TTC29: variants seen among roughly 807,000 people sequenced by gnomAD.
TTC29 encodes the protein tetratricopeptide repeat protein 29.
In TTC29, 49 loss-of-function variants were observed where a neutral mutation model predicts 58.1. The ratio of observed to expected loss-of-function variants is 0.84; its 90% CI spans 0.67 to 1.07. The LOEUF is 1.07. TTC29 is among the 50% of genes least tolerant of loss of function. The pLI is 0.00. For missense variants in TTC29, 582 were observed against 555.6 expected (o/e 1.05, Z -0.48); for synonymous variants, 209 against 196.8 (o/e 1.06, Z -0.52).
At chr4:146,852,375 A>T (rs1340102663) in intron 8 of TTC29, among the ~76,000 whole-genome samples, 1 of 152,190 alleles carries the variant, frequency 6.6e-6, no homozygotes, top group Non-Finnish European at 1.5e-5. Flanking sequence ...AACTCTACCA[A>T]TTACAACAAC....
chr4:146,778,840 G>T (rs1393240601), intron 11 of TTC29, among the ~76,000 whole-genome samples: 1 of 151,780 alleles, frequency 6.6e-6, no homozygotes, highest in African/African-American at 2.4e-5. Context: ...GGCAGTGAGG[G>T]GAGAGAGGGT....
chr4:146,717,869 C>G (rs1743051863), intron 11 of TTC29, among the ~76,000 whole-genome samples: 1 of 152,072 alleles, frequency 6.6e-6, no homozygotes, highest in South Asian at 2.1e-4. Flanking sequence ...CTAATTGAGG[C>G]TTTGTACTTT....
chr4:146,839,912 T>C (rs1463774981), intron 8 of TTC29, among the ~76,000 whole-genome samples: 3 of 151,960 alleles, frequency 2.0e-5, no homozygotes, highest in Non-Finnish European at 4.4e-5. Flanking sequence ...TACTTATACA[T>C]AGGTGTGAAT....
At chr4:146,856,785 G>GA (rs1056865484) in intron 8 of TTC29, among the ~76,000 whole-genome samples, 33 of 150,906 alleles carry the variant, frequency 2.2e-4, no homozygotes, top group Non-Finnish European at 4.0e-4. Context: ...ATGAGGAAAT[G>GA]AAAAAAAATT....
chr4:146,910,380 T>A (rs117653647), intron 4 of TTC29, among the ~76,000 whole-genome samples: 2 of 152,236 alleles, frequency 1.3e-5, no homozygotes, highest in East Asian at 3.9e-4. Flanking sequence ...ATGCATTAGA[T>A]TCACCTACAG....
Position 146,833,858 on chromosome 4 carries a change from C to A in TTC29, c.925G>T (p.Asp309Tyr). 2 of 1,613,244 alleles carry A rather than the reference C, an allele frequency of 1.2e-6. No homozygotes were observed. The highest frequency in any genetic ancestry group is 1.7e-6 in the Non-Finnish European group (2 of 1,179,488). Residue 309 changes from aspartate (D) to tyrosine (Y), a missense_variant, in exon 9 of 13, where the codon GAT (aspartate) becomes TAT (tyrosine). Asp to Tyr is a radical substitution (Grantham distance 160, BLOSUM62 -3). Coordinates refer to ENST00000325106, the MANE Select transcript of TTC29 (RefSeq NM_031956.4). ...TYCKISTDLD[D>Y]DLSLGRGYEA... ...TAGCCTCTCCCCAGACTGAGATCATCATCCAGGTCTGTGGAGATTTTACAG... is the reference window on the plus strand; with the variant it reads ...TAGCCTCTCCCCAGACTGAGATCATAATCCAGGTCTGTGGAGATTTTACAG...
intron 11 of TTC29, among the ~76,000 whole-genome samples, chr4:146,777,650 A>G (rs896021811): frequency 3.9e-5 from 6 of 152,106 alleles, no homozygotes; most frequent in African/African-American, 1.4e-4. Flanking sequence ...GTCTTACTAG[A>G]TTCTTAGCAC....
At chr4:146,824,115 C>T (rs184346824) in intron 9 of TTC29, among the ~76,000 whole-genome samples, 41 of 152,266 alleles carry the variant, frequency 2.7e-4, no homozygotes, top group African/African-American at 9.9e-4. Flanking sequence ...CCTGATTGCC[C>T]TGGCCAGAAC....
intron 11 of TTC29, among the ~76,000 whole-genome samples, chr4:146,718,343 C>CA (rs1224630760): frequency 6.6e-6 from 1 of 152,150 alleles, no homozygotes. Flanking sequence ...CAATAGTGCA[C>CA]AAGGGTTCCC....
intron 8 of TTC29, among the ~76,000 whole-genome samples, chr4:146,843,791 A>G (rs1728997573): frequency 6.6e-6 from 1 of 152,186 alleles, no homozygotes; most frequent in Admixed American, 6.5e-5. Context: ...TGATCAATTT[A>G]CTTTATCTCT....
intron 8 of TTC29, among the ~76,000 whole-genome samples, chr4:146,848,943 C>T (rs1366282371): frequency 6.6e-6 from 1 of 152,218 alleles, no homozygotes; most frequent in East Asian, 1.9e-4. Flanking sequence ...ACCAAGCACA[C>T]ATCCCAAGGT....
At chr4:146,880,904 G>A (rs1731581051) in intron 6 of TTC29, among the ~76,000 whole-genome samples, 1 of 151,674 alleles carries the variant, frequency 6.6e-6, no homozygotes, top group Admixed American at 6.6e-5. Context: ...GCATTAAAAT[G>A]AACTCATTCA....
chr4:146,777,079 T>C (rs1391487763), intron 11 of TTC29, among the ~76,000 whole-genome samples: 1 of 152,188 alleles, frequency 6.6e-6, no homozygotes, highest in Non-Finnish European at 1.5e-5. Flanking sequence ...GAAGTTCGGA[T>C]GAGTGCTCTT....
intron 6 of TTC29, among the ~76,000 whole-genome samples, chr4:146,880,506 T>C (rs1347460130): frequency 1.3e-5 from 2 of 152,158 alleles, no homozygotes; most frequent in African/African-American, 4.8e-5. Flanking sequence ...AAACACGATG[T>C]AGGGAAAATA....
chr4:146,892,558 C>G (rs528957219), intron 6 of TTC29, among the ~76,000 whole-genome samples: 1 of 152,150 alleles, frequency 6.6e-6, no homozygotes, highest in Non-Finnish European at 1.5e-5. Context: ...CTATCTATGA[C>G]AAACCCACAG....
At chr4:146,922,587 C>T (rs934148084) in intron 4 of TTC29, among the ~76,000 whole-genome samples, 2 of 151,714 alleles carry the variant, frequency 1.3e-5, no homozygotes, top group African/African-American at 4.8e-5. Flanking sequence ...AACCTGACAA[C>T]ATTTTTAATG....
chr4:146,912,379 T>TA (rs199955632), intron 4 of TTC29, among the ~76,000 whole-genome samples: 6 of 151,904 alleles, frequency 3.9e-5, no homozygotes, highest in African/African-American at 9.6e-5. Flanking sequence ...ATACTTATTC[T>TA]AAAAAAAAAT....
chr4:146,828,174 C>A (rs1579773944), intron 9 of TTC29, among the ~76,000 whole-genome samples: 1 of 151,998 alleles, frequency 6.6e-6, no homozygotes, highest in East Asian at 1.9e-4. Context: ...CCAGAAAAAT[C>A]ATGAATTATT....
chr4:146,942,622 A>C, intron 2 of TTC29: 2 of 1,533,990 alleles, frequency 1.3e-6, no homozygotes, highest in Non-Finnish European at 1.7e-6. Context: ...AGAGTTCCAG[A>C]GTCTTCCAAT....
Sources: allele counts gnomAD v4.1 joint callset (sites outside exome capture counted in the v4.1 genomes callset), GRCh38; gene constraint gnomAD v4.1.1; transcripts MANE v1.5; gene names NCBI Gene and HGNC (gene_info 2026-07-23, HGNC 2026-07-21).